Variants in NFE2L2 observed in about 807,000 individuals in gnomAD.
The protein encoded by NFE2L2 is NFE2 like bZIP transcription factor 2.
Under a neutral mutation model 49.6 loss-of-function variants are expected in NFE2L2, and 20 were observed. The observed-to-expected ratio is 0.40, with a 90% CI of 0.28 to 0.59. NFE2L2 has a LOEUF of 0.59. Ranked by LOEUF, NFE2L2 falls within the 20% of genes least tolerant of loss-of-function variation. NFE2L2 has a pLI of 0.40. For synonymous variants in NFE2L2, 244 were observed against 256.5 expected (o/e 0.95, Z 0.47); for missense variants, 578 against 714.2 (o/e 0.81, Z 2.17).
chr2:177,241,875 A>T (rs1348700980), intron 1 of NFE2L2, among the ~76,000 whole-genome samples: 3 of 152,076 alleles, frequency 2.0e-5, no homozygotes. Context: ...AACAACAGAG[A>T]TCTCCTTCAT....
At chr2:177,249,088 C>G (rs919602932) in intron 1 of NFE2L2, among the ~76,000 whole-genome samples, 1 of 151,436 alleles carries the variant, frequency 6.6e-6, no homozygotes, top group Non-Finnish European at 1.5e-5. Context: ...GGCGTGGTGG[C>G]GCGTACCTGT....
At chr2:177,253,192 G>A (rs1239973157) in intron 1 of NFE2L2, among the ~76,000 whole-genome samples, 1 of 152,148 alleles carries the variant, frequency 6.6e-6, no homozygotes, top group Non-Finnish European at 1.5e-5. Context: ...AGTTCCTCCA[G>A]GATATCCTCT....
At chr2:177,233,744 AG>A in intron 2 of NFE2L2, 2 of 564,906 alleles carry the variant, frequency 3.5e-6, no homozygotes. Flanking sequence ...TGATCCTTAC[AG>A]GATGTTTCTA....
intron 1 of NFE2L2, among the ~76,000 whole-genome samples, chr2:177,258,124 A>G (rs959054701): frequency 2.6e-5 from 4 of 152,218 alleles, no homozygotes; most frequent in Admixed American, 6.5e-5. Flanking sequence ...TCTAATATAC[A>G]ACAGTTTGAG....
At chr2:177,250,524 C>G (rs528545361) in intron 1 of NFE2L2, among the ~76,000 whole-genome samples, 1 of 152,360 alleles carries the variant, frequency 6.6e-6, no homozygotes, top group Non-Finnish European at 1.5e-5. Context: ...CAACACTCTT[C>G]CAACCACTTG....
intron 1 of NFE2L2, among the ~76,000 whole-genome samples, chr2:177,245,967 C>G (rs1047418511): frequency 6.6e-6 from 1 of 152,182 alleles, no homozygotes; most frequent in African/African-American, 2.4e-5. Flanking sequence ...CAACCTGCCC[C>G]AAATCACATA....
rs1690872805 is a variant in NFE2L2, at chr2:177,264,665, C to CGGCGGCGGCGGCGGT, written c.-104_-90dup. ...GGCGCGGACAGGGCGGCTCTGGTGG[C>CGGCGGCGGCGGCGGT]GGCGGCGGCGGCGGTGGCGGCTGCG... On this transcript the variant is annotated 5_prime_UTR_variant, in exon 1 of 5. Coordinates refer to ENST00000397062, the MANE Select transcript of NFE2L2 (RefSeq NM_006164.5). 1.8e-5 allele frequency: 9 copies of CGGCGGCGGCGGCGGT among 506,832 alleles called. No homozygotes were observed. Among genetic ancestry groups the CGGCGGCGGCGGCGGT allele is most frequent in the Non-Finnish European group, 2.0e-5 (8 of 407,818 alleles). 31.4% of individuals were successfully genotyped at this position (506,832 alleles called of 1,614,324 possible). A position where few individuals can be genotyped will look rare whatever the true frequency, so the allele number is the denominator to read the frequency against.
intron 1 of NFE2L2, among the ~76,000 whole-genome samples, chr2:177,256,273 C>G (rs929834373): frequency 6.6e-5 from 10 of 152,156 alleles, no homozygotes; most frequent in Admixed American, 3.9e-4. Flanking sequence ...CTATTCTAGT[C>G]CCTCAGGCAG....
intron 3 of NFE2L2, 118 bp downstream of exon 3, chr2:177,233,132 C>G: frequency 3.5e-6 from 3 of 858,310 alleles, no homozygotes; most frequent in Non-Finnish European, 5.3e-6. Flanking sequence ...AAAATTTCCT[C>G]CTAAAAATGT....
At chr2:177,248,135 T>A (rs371442137) in intron 1 of NFE2L2, among the ~76,000 whole-genome samples, 2 of 152,204 alleles carry the variant, frequency 1.3e-5, no homozygotes, top group East Asian at 1.9e-4. Flanking sequence ...ATGAGGATCC[T>A]GAGGCCTGAG....
chr2:177,233,030 G>A, intron 3 of NFE2L2: 1 of 525,724 alleles, frequency 1.9e-6, no homozygotes. Context: ...CAATGGTTTT[G>A]GTTTTGTATT....
At chr2:177,260,997 A>C (rs546067612) in intron 1 of NFE2L2, among the ~76,000 whole-genome samples, 1 of 151,986 alleles carries the variant, frequency 6.6e-6, no homozygotes, top group Non-Finnish European at 1.5e-5. Flanking sequence ...CCAACATGGT[A>C]AAACCCCATC....
chr2:177,260,091 C>T (rs192793174), intron 1 of NFE2L2, among the ~76,000 whole-genome samples: 3 of 152,256 alleles, frequency 2.0e-5, no homozygotes, highest in Admixed American at 6.5e-5. Context: ...TGTTTGTTGG[C>T]GCTTATTTAA....
chr2:177,247,090 A>T (rs998225592), intron 1 of NFE2L2, among the ~76,000 whole-genome samples: 2 of 152,202 alleles, frequency 1.3e-5, no homozygotes, highest in African/African-American at 4.8e-5. Context: ...TCCCTAAGAT[A>T]AATACTTAAA....
At chr2:177,248,979 G>GAC (rs1690235669) in intron 1 of NFE2L2, among the ~76,000 whole-genome samples, 1 of 152,086 alleles carries the variant, frequency 6.6e-6, no homozygotes, top group Non-Finnish European at 1.5e-5. Flanking sequence ...CACTTTGGGG[G>GAC]ACCAAGGTAG....
Position 177,264,542 on chromosome 2 carries a change from G to C in NFE2L2, c.35C>G (p.Pro12Arg). Reference protein sequence around the residue: ...MDLELPPPGLPSQQDMDLIDI... With the variant: ...MDLELPPPGLRSQQDMDLIDI... ...GGGCCGAGGCAGCACCTGCTGGGAC[G>C]GGAGTCCCGGCGGCGGCAGCTCCAA... The change falls in exon 1 of 5, where the codon CCG becomes CGG. Residue 12 changes from proline to arginine, a missense_variant. By Grantham distance (103) the Pro-to-Arg change is moderately radical (BLOSUM62 -2). This residue lies in a region of NFE2L2 where 93 missense variants were observed against 153.9 expected (regional missense o/e 0.60). Coordinates refer to ENST00000397062, the MANE Select transcript of NFE2L2 (RefSeq NM_006164.5). 1 of 1,522,462 alleles carries C rather than the reference G, an allele frequency of 6.6e-7. No homozygotes were observed. The highest frequency in any genetic ancestry group is 8.8e-7 in the Non-Finnish European group (1 of 1,133,974). The allele number at this position is 1,522,462 out of a possible 1,614,324, so 94.3% of individuals were successfully genotyped here.
chr2:177,263,878 G>A (rs1483908734), intron 1 of NFE2L2: 5 of 985,402 alleles, frequency 5.1e-6, no homozygotes, highest in African/African-American at 3.5e-5. Context: ...CCCTCGTCCC[G>A]GGGCTGGGCT....
intron 1 of NFE2L2, among the ~76,000 whole-genome samples, chr2:177,239,732 A>C (rs138747587): frequency 6.6e-6 from 1 of 152,186 alleles, no homozygotes; most frequent in Non-Finnish European, 1.5e-5. Flanking sequence ...AAACAAAACA[A>C]AACAAAACTG....
intron 1 of NFE2L2, among the ~76,000 whole-genome samples, chr2:177,249,176 G>T (rs921885818): frequency 6.6e-6 from 1 of 151,908 alleles, no homozygotes; most frequent in Non-Finnish European, 1.5e-5. Context: ...CCATGTTTCT[G>T]CCACTATACT....
Sources: gnomAD v4.1 joint callset for allele counts (sites outside exome capture counted in the v4.1 genomes callset) on GRCh38, gnomAD v4.1.1 for gene constraint, gnomAD v4.1.1 regional missense constraint, MANE v1.5 for transcripts, NCBI Gene and HGNC (gene_info 2026-07-23, HGNC 2026-07-21) for gene names.